The following SLC14A1 variants were observed in gnomAD, a reference collection of about 807,000 sequenced individuals.
SLC14A1 encodes the protein urea transporter 1.
A neutral mutation model predicts 39.6 loss-of-function variants in SLC14A1; 36 were observed. The ratio of observed to expected loss-of-function variants is 0.91; its 90% CI spans 0.70 to 1.20. SLC14A1 has a LOEUF of 1.20. Among genes scored for constraint, SLC14A1 ranks in the 50% most tolerant of loss-of-function variants. The pLI, the probability that SLC14A1 is intolerant of heterozygous loss-of-function variation, is 0.00. For synonymous variants in SLC14A1, 164 were observed against 173.6 expected (o/e 0.94, Z 0.43); for missense variants, 469 against 478.7 (o/e 0.98, Z 0.19).
At chr18:45,738,163 C>T (rs2144796201) in intron 6 of SLC14A1, among the ~76,000 whole-genome samples, 1 of 152,318 alleles carries the variant, frequency 6.6e-6, no homozygotes, top group South Asian at 2.1e-4. Flanking sequence ...TAGACTCAGC[C>T]TAATATAAGA....
Position 45,752,022 on chromosome 18 carries a change from T to C in SLC14A1, c.*2071T>C, listed in dbSNP as rs1300587826. 1 of 985,218 alleles carries C rather than the reference T, an allele frequency of 1.0e-6. No individual in the cohort carries two copies. The highest frequency in any genetic ancestry group is 6.1e-5 in the Admixed American group (1 of 16,262). 61.0% of individuals were successfully genotyped at this position (985,218 alleles called of 1,614,324 possible). On this transcript the variant is annotated 3_prime_UTR_variant, in exon 10 of 10. Transcript: ENST00000321925. ...TTTAGGGAGAAGCTCACTTCTTCCTTTTCTCAGGAAACCAAGCAAGCAAAC... is the reference window on the plus strand; with the variant it reads ...TTTAGGGAGAAGCTCACTTCTTCCTCTTCTCAGGAAACCAAGCAAGCAAAC...
At chr18:45,739,366 CT>C in intron 7 of SLC14A1, 56 bp downstream of exon 7, 1 of 1,612,530 alleles carries the variant, frequency 6.2e-7, no homozygotes, top group Non-Finnish European at 8.5e-7. Flanking sequence ...CATGCATTGC[CT>C]CAGGCATCTT....
At chr18:45,737,019 C>T (rs1003426615) in intron 6 of SLC14A1, among the ~76,000 whole-genome samples, 1 of 152,184 alleles carries the variant, frequency 6.6e-6, no homozygotes, top group Non-Finnish European at 1.5e-5. Flanking sequence ...TCCCTCCAAT[C>T]AAAAAACTGG....
At chr18:45,748,734 A>G (rs995487252) in intron 9 of SLC14A1, among the ~76,000 whole-genome samples, 1 of 152,198 alleles carries the variant, frequency 6.6e-6, no homozygotes. Flanking sequence ...AGACTTTAGG[A>G]TATCTTTTAC....
At chr18:45,735,660 C>G (rs188033088) in intron 5 of SLC14A1, among the ~76,000 whole-genome samples, 1 of 152,130 alleles carries the variant, frequency 6.6e-6, no homozygotes, top group African/African-American at 2.4e-5. Context: ...GGTGTGTGGA[C>G]GAGGACCTAC....
In SLC14A1 at chr18:45,731,093, G is replaced by A; in HGVS notation, c.230G>A (p.Ser77Asn). 1 of 1,614,202 alleles carries A rather than the reference G, an allele frequency of 6.2e-7. No homozygotes were observed. Among genetic ancestry groups the A allele is most frequent in the Non-Finnish European group, 8.5e-7 (1 of 1,180,028 alleles). Residue 77 changes from serine to asparagine, a missense_variant, in exon 4 of 10, where the codon AGT (serine) becomes AAT (asparagine). Physicochemically the swap from Ser to Asn is conservative, Grantham distance 46. Coordinates refer to ENST00000321925, the MANE Select transcript of SLC14A1 (RefSeq NM_015865.7). ...SQVVFVNNPV[S>N]GILILVGLLV... ...GTGGTGTTCGTCAACAACCCCGTCA[G>A]TGGAATCCTGATTCTGGTAGGACTT...
chr18:45,750,871 T>C lies in SLC14A1; in HGVS notation c.*920T>C, dbSNP rs1262863311. 65 of 985,322 alleles carry C rather than the reference T, an allele frequency of 6.6e-5. No homozygotes were observed. Among genetic ancestry groups the C allele is most frequent in the Admixed American group, 1.2e-4 (2 of 16,284 alleles). 61.0% of individuals were successfully genotyped at this position (985,322 alleles called of 1,614,324 possible). A position where few individuals can be genotyped will look rare whatever the true frequency, so the allele number is the denominator to read the frequency against. On this transcript the variant is annotated 3_prime_UTR_variant, in exon 10 of 10. Coordinates refer to ENST00000321925, the MANE Select transcript of SLC14A1 (RefSeq NM_015865.7). ...TGTTACCAACCTCCAAAGGGCTCTTTAAAATCATATTTTTTATTCATTTGA... is the reference window on the plus strand; with the variant it reads ...TGTTACCAACCTCCAAAGGGCTCTTCAAAATCATATTTTTTATTCATTTGA...
chr18:45,730,965 G>C, intron 3 of SLC14A1, 50 bp from the exon 4 acceptor site: 1 of 1,547,094 alleles, frequency 6.5e-7, no homozygotes, highest in East Asian at 2.2e-5. Context: ...TGTGGTTGAA[G>C]AGTATCACTT....
At chr18:45,735,474 C>T (rs1313110712) in intron 5 of SLC14A1, among the ~76,000 whole-genome samples, 1 of 151,968 alleles carries the variant, frequency 6.6e-6, no homozygotes, top group Non-Finnish European at 1.5e-5. Flanking sequence ...TTTTTCAAAC[C>T]CAAATCCTTC....
At position 45,735,270 on chromosome 18, in the gene SLC14A1, T is replaced by C. The variant is rs141603864; in HGVS notation, c.470+868T>C. 9.8e-5 allele frequency among the ~76,000 whole-genome samples: 15 copies of C among 152,292 alleles called. No homozygotes were observed. In the East Asian group the frequency reaches 2.9e-3, roughly 29 times the overall value. The stretch of plus-strand genomic sequence containing the variant: ...AGCAATATGAGAATCACCTGCAGGG[T>C]TTGTTACACCACAGGCATCTGCTCC... On this transcript the variant is annotated intron_variant, in intron 5 of 9. Transcript: ENST00000321925.
chr18:45,727,095 A>G, intron 2 of SLC14A1: 2 of 602,878 alleles, frequency 3.3e-6, no homozygotes, highest in Non-Finnish European at 5.9e-6. Flanking sequence ...GTGAAGGCAA[A>G]GTCCTCCTTC....
At chr18:45,730,652 C>T (rs889130581) in intron 3 of SLC14A1, among the ~76,000 whole-genome samples, 181 bp downstream of exon 3, 1 of 152,036 alleles carries the variant, frequency 6.6e-6, no homozygotes, top group African/African-American at 2.4e-5. Flanking sequence ...CTTATGGAGA[C>T]AGTAGCCAGG....
chr18:45,737,051 G>A (rs868620614), intron 6 of SLC14A1, among the ~76,000 whole-genome samples: 5 of 152,190 alleles, frequency 3.3e-5, no homozygotes, highest in South Asian at 2.1e-4. Context: ...TAGAGCTTCT[G>A]ACAGAACCTC....
chr18:45,735,583 C>T (rs2047170149), intron 5 of SLC14A1, among the ~76,000 whole-genome samples: 1 of 152,192 alleles, frequency 6.6e-6, no homozygotes, highest in Non-Finnish European at 1.5e-5. Context: ...CTAATATGCA[C>T]ATAAATAAGC....
intron 8 of SLC14A1, among the ~76,000 whole-genome samples, chr18:45,745,405 CTGCATTTTTCCTGG>C (rs2047519548): frequency 6.6e-6 from 1 of 152,142 alleles, no homozygotes; most frequent in Non-Finnish European, 1.5e-5. Context: ...CAGGTTGGAG[CTGCATTTTTCCTGG>C]TGCATCTAAG....
In SLC14A1 at chr18:45,739,509, AC is replaced by A. The variant is rs1422702749; in HGVS notation, c.812-15del. ...ATCCTGCCTTTAGTCCTGAGTTCTG[AC>A]CCCTCCTGTCTTAACAGGACTCAGT... is the stretch of plus-strand genomic sequence containing the variant. On this transcript the variant is annotated intron_variant, in intron 7 of 9. Coordinates refer to ENST00000321925, the MANE Select transcript of SLC14A1 (RefSeq NM_015865.7). 1.2e-6 allele frequency: 2 copies of A among 1,613,828 alleles called. No individual in the cohort carries two copies. Among genetic ancestry groups the A allele is most frequent in the South Asian group, 2.2e-5 (2 of 91,056 alleles).
intron 1 of SLC14A1, 174 bp from the exon 2 acceptor site, chr18:45,724,776 C>A (rs906618527): frequency 2.6e-5 from 4 of 152,202 alleles, no homozygotes; most frequent in African/African-American, 7.2e-5. Context: ...TCTTGTGCAC[C>A]CATCGGGAGA....
At chr18:45,734,875 A>T (rs1295978571) in intron 5 of SLC14A1, among the ~76,000 whole-genome samples, 1 of 152,240 alleles carries the variant, frequency 6.6e-6, no homozygotes, top group African/African-American at 2.4e-5. Context: ...GGATTCCAGT[A>T]GATTCTGTCT....
At position 45,752,182 on chromosome 18, in the gene SLC14A1, C is replaced by T. The variant is rs781233624; in HGVS notation, c.*2231C>T. Reference sequence around the variant, plus strand: ...AACTGAACCCTTTCTTGTTAGGGAACGTGTGAAAGAAGAATTGTGGGGAAA... The same window carrying T: ...AACTGAACCCTTTCTTGTTAGGGAATGTGTGAAAGAAGAATTGTGGGGAAA... On this transcript the variant is annotated 3_prime_UTR_variant, in exon 10 of 10. Transcript: ENST00000321925. 30 of 985,224 alleles carry T rather than the reference C, an allele frequency of 3.0e-5. No individual in the cohort carries two copies. The highest frequency in any genetic ancestry group is 2.3e-4 in the East Asian group (2 of 8,802). 61.0% of individuals were successfully genotyped at this position (985,224 alleles called of 1,614,324 possible).
Sources: allele counts gnomAD v4.1 joint callset (sites outside exome capture counted in the v4.1 genomes callset), GRCh38; gene constraint gnomAD v4.1.1; transcripts MANE v1.5; gene names NCBI Gene and HGNC (gene_info 2026-07-23, HGNC 2026-07-21).